RP1: variants seen among roughly 807,000 people sequenced by gnomAD.
RP1 encodes RP1 axonemal microtubule associated.
A neutral mutation model predicts 14.8 loss-of-function variants in RP1; 16 were observed. That is an observed-to-expected ratio of 1.08 (90% CI 0.73 to 1.65). RP1 has a LOEUF of 1.65. RP1 is among the 40% of genes most tolerant of loss of function. The pLI, the probability that RP1 is intolerant of heterozygous loss-of-function variation, is 0.00. For missense variants in RP1, 2,631 were observed against 2,535.0 expected, an observed-to-expected ratio of 1.04 and a Z score of -0.81; for synonymous variants, 876 against 883.6, an observed-to-expected ratio of 0.99 and a Z score of 0.15.
intron 26 of RP1, among the ~76,000 whole-genome samples, chr8:54,855,733 TA>T: frequency 6.6e-6 from 1 of 152,118 alleles, no homozygotes; most frequent in East Asian, 1.9e-4. Context: ...CCAATAAACA[TA>T]AAAAGCCTAC....
intron 7 of RP1, among the ~76,000 whole-genome samples, chr8:54,671,568 T>C (rs959931021): frequency 6.6e-6 from 1 of 152,148 alleles, no homozygotes; most frequent in African/African-American, 2.4e-5. Flanking sequence ...TCAAGTGAAC[T>C]GCTTTCAAGA....
At chr8:54,848,812 G>T (rs185643788) in intron 25 of RP1, among the ~76,000 whole-genome samples, 11 of 152,038 alleles carry the variant, frequency 7.2e-5, no homozygotes, top group Non-Finnish European at 1.3e-4. Context: ...GCAGTGGCAC[G>T]ATCTCGGCTC....
chr8:54,759,130 C>A (rs1809577761), intron 22 of RP1: 1 of 767,270 alleles, frequency 1.3e-6, no homozygotes, highest in South Asian at 2.7e-5. Context: ...GTGGATGATG[C>A]TGTGTGTGTG....
At chr8:54,746,133 A>G (rs1809219128) in intron 19 of RP1, among the ~76,000 whole-genome samples, 1 of 152,242 alleles carries the variant, frequency 6.6e-6, no homozygotes, top group Non-Finnish European at 1.5e-5. Flanking sequence ...GCTATTGTTC[A>G]TCTTGTGATA....
At chr8:54,810,531 T>G (rs1810965929) in intron 24 of RP1, among the ~76,000 whole-genome samples, 1 of 152,236 alleles carries the variant, frequency 6.6e-6, no homozygotes, top group Non-Finnish European at 1.5e-5. Flanking sequence ...TATATTGAAT[T>G]ATTTTTTTCC....
intron 12 of RP1, chr8:54,696,458 A>G (rs1165886664): frequency 2.3e-6 from 2 of 869,234 alleles, no homozygotes; most frequent in Non-Finnish European, 3.7e-6. Flanking sequence ...GAAAAAGAGG[A>G]AAGCTTATCA....
intron 24 of RP1, among the ~76,000 whole-genome samples, chr8:54,803,154 A>G (rs996542055): frequency 1.3e-5 from 2 of 152,212 alleles, no homozygotes; most frequent in Admixed American, 6.5e-5. Context: ...AAATCTCATT[A>G]AAAACTTTGT....
At chr8:54,842,423 G>A (rs1246881134) in intron 25 of RP1, among the ~76,000 whole-genome samples, 2 of 152,208 alleles carry the variant, frequency 1.3e-5, no homozygotes, top group African/African-American at 2.4e-5. Flanking sequence ...TTTCAGGACA[G>A]CAGTGTCAGT....
intron 28 of RP1, among the ~76,000 whole-genome samples, chr8:54,869,442 T>C (rs942690885): frequency 1.3e-5 from 2 of 152,228 alleles, no homozygotes; most frequent in Non-Finnish European, 2.9e-5. Context: ...GTTTGTATTC[T>C]AGTTCTCTTG....
At position 54,621,441 on chromosome 8, in the gene RP1, T is replaced by C. The variant is rs1805871092; in HGVS notation, c.475T>C (p.Phe159Leu). Reference sequence around the variant, plus strand: ...CCGCCCCCCACGGAGCCTAGTGGTCTTCAGGAATGGCGACCCGAAGACGAG... The same window carrying C: ...CCGCCCCCCACGGAGCCTAGTGGTCCTCAGGAATGGCGACCCGAAGACGAG... The part of the protein sequence containing the change: ...MPRPPRSLVV[F>L]RNGDPKTRRA... Residue 159 changes from phenylalanine to leucine, a missense_variant, in exon 2 of 4, where the codon TTC (phenylalanine) becomes CTC (leucine). Phe to Leu is a conservative substitution (Grantham distance 22, BLOSUM62 0). Coordinates refer to ENST00000220676, the MANE Select transcript of RP1 (RefSeq NM_006269.2). 6.2e-7 allele frequency: 1 copy of C among 1,613,726 alleles called. No homozygotes were observed. The highest frequency in any genetic ancestry group is 8.5e-7 in the Non-Finnish European group (1 of 1,179,990).
At chr8:54,571,751 G>C (rs1433487931) in intron 1 of RP1, among the ~76,000 whole-genome samples, 1 of 152,178 alleles carries the variant, frequency 6.6e-6, no homozygotes, top group East Asian at 1.9e-4. Flanking sequence ...GGCAGTGAGG[G>C]AGGATCTGTC....
chr8:54,661,199 A>T (rs1308900151), intron 6 of RP1, among the ~76,000 whole-genome samples: 1 of 147,436 alleles, frequency 6.8e-6, no homozygotes, highest in African/African-American at 2.5e-5. Flanking sequence ...GTTATAATAT[A>T]TAATTATATT....
chr8:54,670,047 TAAA>T, intron 7 of RP1, among the ~76,000 whole-genome samples: 1 of 151,916 alleles, frequency 6.6e-6, no homozygotes, highest in South Asian at 2.1e-4. Flanking sequence ...AAAACCAAAA[TAAA>T]AACAGAAAAA....
intron 23 of RP1, among the ~76,000 whole-genome samples, chr8:54,778,180 A>G (rs540100500): frequency 1.3e-5 from 2 of 152,272 alleles, no homozygotes; most frequent in East Asian, 1.9e-4. Context: ...GGGACTTACA[A>G]TCTGGGTGGA....
At chr8:54,812,755 T>TATCTATC (rs1180972176) in intron 24 of RP1, among the ~76,000 whole-genome samples, 2 of 145,578 alleles carry the variant, frequency 1.4e-5, no homozygotes, top group Admixed American at 7.1e-5. Flanking sequence ...TCCATGTATC[T>TATCTATC]ATCTATCATC....
At chr8:54,684,408 C>G (rs1434445303) in intron 12 of RP1, among the ~76,000 whole-genome samples, 1 of 152,118 alleles carries the variant, frequency 6.6e-6, no homozygotes, top group Non-Finnish European at 1.5e-5. Context: ...CTTTGAACTT[C>G]TGGTAGAATT....
At chr8:54,746,573 A>G (rs1047792731) in intron 19 of RP1, among the ~76,000 whole-genome samples, 3 of 152,170 alleles carry the variant, frequency 2.0e-5, no homozygotes, top group African/African-American at 7.2e-5. Context: ...ATAGTAATTA[A>G]CTTTGAATAT....
At chr8:54,860,939 A>G (rs1812329317) in intron 27 of RP1, among the ~76,000 whole-genome samples, 1 of 152,212 alleles carries the variant, frequency 6.6e-6, no homozygotes, top group African/African-American at 2.4e-5. Context: ...TTTTGGCTGG[A>G]TATTTGGAAA....
intron 24 of RP1, among the ~76,000 whole-genome samples, chr8:54,821,833 A>G (rs2129397041): frequency 6.6e-6 from 1 of 152,344 alleles, no homozygotes; most frequent in South Asian, 2.1e-4. Context: ...ACTAAAAAGA[A>G]TCAGGGTACC....
Sources: allele counts gnomAD v4.1 joint callset (sites outside exome capture counted in the v4.1 genomes callset), GRCh38; gene constraint gnomAD v4.1.1; transcripts MANE v1.5; gene names NCBI Gene and HGNC (gene_info 2026-07-23, HGNC 2026-07-21).